The following CDH13 variants were observed in gnomAD, a reference collection of about 807,000 sequenced individuals.
CDH13 encodes the protein cadherin-13.
In CDH13, 24 loss-of-function variants were observed where a neutral mutation model predicts 63.8. The ratio of observed to expected loss-of-function variants is 0.38; its 90% CI spans 0.27 to 0.53. CDH13 has a LOEUF of 0.53. Among genes scored for constraint, CDH13 ranks in the 20% least tolerant of loss-of-function variants. The pLI is 0.85. For missense variants in CDH13, 1,049 were observed against 903.1 expected, an observed-to-expected ratio of 1.16 and a Z score of -2.07; for synonymous variants, 503 against 355.3, an observed-to-expected ratio of 1.42 and a Z score of -4.67.
At chr16:82,915,656 A>C (rs1362494131) in intron 2 of CDH13, among the ~76,000 whole-genome samples, 1 of 151,826 alleles carries the variant, frequency 6.6e-6, no homozygotes, top group African/African-American at 2.4e-5. Context: ...GGTCTTATCT[A>C]CTGCCTGCTG....
intron 2 of CDH13, among the ~76,000 whole-genome samples, chr16:82,996,272 A>T (rs1486536893): frequency 6.6e-6 from 1 of 152,156 alleles, no homozygotes; most frequent in African/African-American, 2.4e-5. Flanking sequence ...AAAGAAAAAA[A>T]AAGAGTAAAC....
At chr16:83,647,666 G>A (rs867067645) in intron 8 of CDH13, among the ~76,000 whole-genome samples, 12 of 152,132 alleles carry the variant, frequency 7.9e-5, no homozygotes, top group African/African-American at 1.9e-4. Flanking sequence ...TTCCATATTC[G>A]GGGATTATCT....
rs543920343 is a variant in CDH13 at position 83,667,461 on chromosome 16, A to G, written c.1102-3329A>G. ...CACCCATCCATCCACCCATCCGTCT[A>G]TCCATCTATCTGTCCACCCATCCAT... On this transcript the variant is annotated intron_variant, in intron 8 of 13. Coordinates refer to ENST00000567109, the MANE Select transcript of CDH13 (RefSeq NM_001257.5). 5.3e-5 allele frequency among the ~76,000 whole-genome samples: 8 copies of G among 152,006 alleles called. No homozygotes were observed. In the South Asian group the frequency reaches 8.3e-4, roughly 16 times the overall value.
chr16:82,856,204 G>A (rs1226862805), intron 1 of CDH13, among the ~76,000 whole-genome samples: 2 of 151,586 alleles, frequency 1.3e-5, no homozygotes, highest in African/African-American at 2.4e-5. Flanking sequence ...GTGAAACCCC[G>A]TCTCTACTAA....
intron 5 of CDH13, among the ~76,000 whole-genome samples, chr16:83,286,881 A>G (rs924233463): frequency 4.0e-5 from 6 of 151,844 alleles, no homozygotes; most frequent in Non-Finnish European, 8.8e-5. Flanking sequence ...ACTGAGGCTC[A>G]TGCCATGTGG....
chr16:82,917,337 C>T (rs976597547), intron 2 of CDH13, among the ~76,000 whole-genome samples: 2 of 152,114 alleles, frequency 1.3e-5, no homozygotes, highest in South Asian at 2.1e-4. Context: ...GGGGAAAGAA[C>T]ATTTCAACTC....
chr16:83,363,980 A>G (rs991096841), intron 6 of CDH13, among the ~76,000 whole-genome samples: 10 of 152,174 alleles, frequency 6.6e-5, no homozygotes, highest in African/African-American at 2.4e-4. Context: ...GAGCCATGAC[A>G]TTAATACTTC....
chr16:83,384,852 T>A (rs1238491644), intron 6 of CDH13, among the ~76,000 whole-genome samples: 1 of 152,278 alleles, frequency 6.6e-6, no homozygotes, highest in Non-Finnish European at 1.5e-5. Context: ...TTTCCATCTA[T>A]TATATACAAG....
chr16:83,300,981 T>A (rs1015095357), intron 5 of CDH13, among the ~76,000 whole-genome samples: 1 of 151,496 alleles, frequency 6.6e-6, no homozygotes, highest in African/African-American at 2.4e-5. Context: ...CTGTGGGCAT[T>A]TTTAATATTG....
intron 5 of CDH13, among the ~76,000 whole-genome samples, chr16:83,233,822 C>T (rs2040072696): frequency 6.6e-6 from 1 of 152,158 alleles, no homozygotes; most frequent in African/African-American, 2.4e-5. Context: ...TGTAACCTAA[C>T]ATAGTCAAAG....
At chr16:83,768,779 A>G (rs2150995535) in intron 11 of CDH13, among the ~76,000 whole-genome samples, 1 of 151,704 alleles carries the variant, frequency 6.6e-6, no homozygotes, top group East Asian at 2.0e-4. Context: ...GAGTGTAGCA[A>G]TGAGGATGAC....
chr16:83,797,190 T>C lies in CDH13; in HGVS notation c.*2160T>C, dbSNP rs1415384570. The C allele has an allele frequency of 7.2e-5, 11 of 152,238 alleles. No homozygotes were observed. Among genetic ancestry groups the C allele is most frequent in the Non-Finnish European group, 1.5e-4 (10 of 68,052 alleles). The allele number at this position is 152,238 out of a possible 1,614,324, so 9.4% of individuals were successfully genotyped here. A position where few individuals can be genotyped will look rare whatever the true frequency, so the allele number is the denominator to read the frequency against. On this transcript the variant is annotated 3_prime_UTR_variant, in exon 14 of 14. Transcript: ENST00000567109. Reference sequence around the variant, plus strand: ...CATCCTCAGCCAGTCAGGCGGCTGGTAGCCGGACACATATGCTAACTGGCA... The same window carrying C: ...CATCCTCAGCCAGTCAGGCGGCTGGCAGCCGGACACATATGCTAACTGGCA...
chr16:83,160,275 A>C (rs926601989), intron 4 of CDH13, among the ~76,000 whole-genome samples: 2 of 152,136 alleles, frequency 1.3e-5, no homozygotes, highest in African/African-American at 4.8e-5. Flanking sequence ...GGGAGGCTAC[A>C]TGTGGAGGCA....
At chr16:82,960,407 A>C (rs142059532) in intron 2 of CDH13, among the ~76,000 whole-genome samples, 153 of 152,222 alleles carry the variant, frequency 1.0e-3, no homozygotes, top group African/African-American at 3.6e-3. Context: ...GAAAGAGATG[A>C]GTGCCTGTTA....
At chr16:83,484,403 G>C (rs928324892) in intron 6 of CDH13, among the ~76,000 whole-genome samples, 2 of 152,180 alleles carry the variant, frequency 1.3e-5, no homozygotes, top group Non-Finnish European at 2.9e-5. Flanking sequence ...ATCAGAAGAT[G>C]GGCCTTATAT....
chr16:83,336,312 A>AAAAAAAG (rs370722751), intron 5 of CDH13, among the ~76,000 whole-genome samples: 3,387 of 143,800 alleles, frequency 0.024, 74 homozygotes, highest in South Asian at 0.053. Context: ...AAAAAAAAAA[A>AAAAAAAG]AAAAAAGAAA....
rs1915121924 is a variant in CDH13, at chr16:83,678,199, G to A, written c.1285-9G>A. On this transcript the variant is annotated splice_polypyrimidine_tract_variant and intron_variant, in intron 9 of 13. Coordinates refer to ENST00000567109, the MANE Select transcript of CDH13 (RefSeq NM_001257.5). Reference sequence around the variant, plus strand: ...TGTGCATCCTGAGACCCTTCTGTCTGCTTTCCAGCCATTGGACTATGAAAT... The same window carrying A: ...TGTGCATCCTGAGACCCTTCTGTCTACTTTCCAGCCATTGGACTATGAAAT... 4 of 1,606,376 alleles carry A rather than the reference G, an allele frequency of 2.5e-6. No individual in the cohort carries two copies. Among genetic ancestry groups the A allele is most frequent in the Non-Finnish European group, 1.7e-6 (2 of 1,174,258 alleles).
rs188816929 is a variant in CDH13 at position 82,742,201 on chromosome 16, C to G, written c.45+115064C>G. 2.3e-3 allele frequency among the ~76,000 whole-genome samples: 357 copies of G among 152,098 alleles called. 1 individual carries two copies. The highest frequency in any genetic ancestry group is 8.0e-3 in the African/African-American group (334 of 41,504). ...ATGAGAATCTTGTAAAATATAAGGG[C>G]TATTGTTAGTTACATCCCATGTACG... On this transcript the variant is annotated intron_variant, in intron 1 of 13. Transcript: ENST00000567109.
intron 6 of CDH13, among the ~76,000 whole-genome samples, chr16:83,420,954 A>G (rs1254649998): frequency 6.6e-6 from 1 of 152,214 alleles, no homozygotes; most frequent in African/African-American, 2.4e-5. Context: ...AAGCAAGGTT[A>G]TCACACCTTC....
Sources: allele counts gnomAD v4.1 joint callset (sites outside exome capture counted in the v4.1 genomes callset), GRCh38; gene constraint gnomAD v4.1.1; transcripts MANE v1.5; gene names NCBI Gene and HGNC (gene_info 2026-07-23, HGNC 2026-07-21).